GPC5: variants seen among roughly 807,000 people sequenced by gnomAD.
GPC5 encodes glypican-5.
In GPC5, 47 loss-of-function variants were observed where a neutral mutation model predicts 53.9. The observed-to-expected ratio is 0.87, with a 90% CI of 0.69 to 1.11. The LOEUF (loss-of-function observed/expected upper bound fraction) is 1.11, where lower values mean the gene tolerates loss of function less well. Among genes scored for constraint, GPC5 ranks in the 50% most tolerant of loss-of-function variants. The pLI is 0.00. For missense variants in GPC5, 748 were observed against 713.1 expected (o/e 1.05, Z -0.56); for synonymous variants, 286 against 263.3 (o/e 1.09, Z -0.84).
At chr13:91,698,873 A>G (rs1292415537) in intron 3 of GPC5, among the ~76,000 whole-genome samples, 2 of 152,174 alleles carry the variant, frequency 1.3e-5, no homozygotes, top group African/African-American at 4.8e-5. Flanking sequence ...TGACACTTTC[A>G]CAATAATAAG....
At chr13:91,687,294 A>T (rs904118244) in intron 2 of GPC5, among the ~76,000 whole-genome samples, 2 of 151,932 alleles carry the variant, frequency 1.3e-5, no homozygotes, top group African/African-American at 4.8e-5. Context: ...GATATCACTC[A>T]ATTTTATCTC....
chr13:91,620,572 C>A (rs745967194), intron 2 of GPC5, among the ~76,000 whole-genome samples: 1 of 152,112 alleles, frequency 6.6e-6, no homozygotes, highest in South Asian at 2.1e-4. Flanking sequence ...TTCATTTGTT[C>A]ACATTGTCAT....
chr13:92,179,770 G>A (rs761782294), intron 7 of GPC5, among the ~76,000 whole-genome samples: 1 of 152,102 alleles, frequency 6.6e-6, no homozygotes, highest in Admixed American at 6.5e-5. Context: ...TATGATCATA[G>A]AACTTTCTGT....
At chr13:91,721,126 TTTCTTTCTTTC>T in intron 3 of GPC5, among the ~76,000 whole-genome samples, 2 of 106,696 alleles carry the variant, frequency 1.9e-5, no homozygotes, top group East Asian at 2.7e-4. Context: ...TCTTTCTTTC[TTTCTTTCTTTC>T]TTTTTTTGGG....
Position 92,538,227 on chromosome 13 carries a change from G to C in GPC5, c.1562-328055G>C, listed in dbSNP as rs79031929. 3.1e-3 allele frequency among the ~76,000 whole-genome samples: 446 copies of C among 144,398 alleles called. 2 individuals carry two copies. The highest frequency in any genetic ancestry group is 5.9e-3 in the Admixed American group (85 of 14,490). The allele number at this position is 144,398 out of a possible 152,430, so 94.7% of individuals were successfully genotyped here. The stretch of plus-strand genomic sequence containing the variant: ...TATCTATTCCTCGTCCTCCACTTCC[G>C]TTCCCTCTCCTCTTTTCCCCACCTG... On this transcript the variant is annotated intron_variant, in intron 7 of 7. Coordinates refer to ENST00000377067, the MANE Select transcript of GPC5 (RefSeq NM_004466.6).
chr13:92,801,283 C>G (rs149635326), intron 7 of GPC5, among the ~76,000 whole-genome samples: 1 of 151,726 alleles, frequency 6.6e-6, no homozygotes, highest in African/African-American at 2.4e-5. Flanking sequence ...ACTGCATATA[C>G]GACTGGTTCC....
At chr13:91,697,255 G>A (rs1057111066) in intron 3 of GPC5, among the ~76,000 whole-genome samples, 2 of 152,102 alleles carry the variant, frequency 1.3e-5, no homozygotes, top group African/African-American at 4.8e-5. Context: ...CGATTCTCCT[G>A]CCTCAGCCTC....
At chr13:91,958,204 C>T (rs1340537143) in intron 6 of GPC5, among the ~76,000 whole-genome samples, 1 of 143,870 alleles carries the variant, frequency 7.0e-6, no homozygotes, top group Non-Finnish European at 1.5e-5. Flanking sequence ...TCCATGCAAA[C>T]ATAGACCAAA....
At chr13:92,042,188 A>G (rs1056488802) in intron 6 of GPC5, among the ~76,000 whole-genome samples, 1 of 152,152 alleles carries the variant, frequency 6.6e-6, no homozygotes, top group Non-Finnish European at 1.5e-5. Context: ...CCTCCAAGGT[A>G]AAGCCTTTTG....
intron 7 of GPC5, among the ~76,000 whole-genome samples, chr13:92,317,681 T>A (rs2043188712): frequency 6.6e-6 from 1 of 151,932 alleles, no homozygotes; most frequent in Non-Finnish European, 1.5e-5. Context: ...TTTTTATTTT[T>A]ACTAGAGACA....
chr13:91,601,132 A>C lies in GPC5; in HGVS notation c.326-92055A>C, dbSNP rs190124484. On this transcript the variant is annotated intron_variant, in intron 2 of 7. Transcript: ENST00000377067. ...ATTTATTTTAAAGTTCTTTGAATGA[A>C]AAATGAAAGTCCAGTAGATAGTTTG... 4.4e-3 allele frequency among the ~76,000 whole-genome samples: 669 copies of C among 152,326 alleles called. 7 individuals carry two copies. Among genetic ancestry groups the C allele is most frequent in the African/African-American group, 0.015 (635 of 41,580 alleles).
intron 7 of GPC5, among the ~76,000 whole-genome samples, chr13:92,725,647 A>C (rs1378683280): frequency 6.6e-6 from 1 of 151,596 alleles, no homozygotes; most frequent in Non-Finnish European, 1.5e-5. Flanking sequence ...ATGAAAATAC[A>C]AAAAAATGAA....
chr13:91,771,286 A>G (rs1456984388), intron 5 of GPC5, among the ~76,000 whole-genome samples: 1 of 152,220 alleles, frequency 6.6e-6, no homozygotes, highest in African/African-American at 2.4e-5. Flanking sequence ...TATATTTGCA[A>G]AGATCATTAA....
intron 7 of GPC5, among the ~76,000 whole-genome samples, chr13:92,836,917 C>A (rs1454391601): frequency 2.0e-5 from 3 of 151,592 alleles, no homozygotes; most frequent in Non-Finnish European, 4.4e-5. Context: ...ACAGAAAAGG[C>A]CTTAAAAGGA....
intron 6 of GPC5, among the ~76,000 whole-genome samples, chr13:91,969,498 G>C (rs556519863): frequency 6.6e-6 from 1 of 151,404 alleles, no homozygotes; most frequent in Non-Finnish European, 1.5e-5. Flanking sequence ...TAAGAGCACA[G>C]ATGAAAAAAA....
chr13:91,707,888 A>C (rs946730258), intron 3 of GPC5, among the ~76,000 whole-genome samples: 10 of 152,220 alleles, frequency 6.6e-5, no homozygotes, highest in African/African-American at 2.4e-4. Context: ...TAATAGTCAA[A>C]AACTGGAAAC....
chr13:92,136,460 A>G (rs751671418), intron 6 of GPC5, among the ~76,000 whole-genome samples: 1 of 152,076 alleles, frequency 6.6e-6, no homozygotes, highest in Non-Finnish European at 1.5e-5. Flanking sequence ...TCTGGTTTGA[A>G]TTTTTTCTGG....
chr13:91,655,868 C>G (rs2034833115), intron 2 of GPC5, among the ~76,000 whole-genome samples: 1 of 152,142 alleles, frequency 6.6e-6, no homozygotes, highest in Admixed American at 6.6e-5. Context: ...GTTCAACTCC[C>G]AGAGGAATCT....
In GPC5 at chr13:91,851,147, A is replaced by G. The variant is rs186296352; in HGVS notation, c.1281-56790A>G. On this transcript the variant is annotated intron_variant, in intron 5 of 7. Transcript: ENST00000377067. ...GATACCTGGCAAGTAACATGGAGATAAGTATTGTTTCTGACAGAAAAAAGA... is the reference window on the plus strand; with the variant it reads ...GATACCTGGCAAGTAACATGGAGATGAGTATTGTTTCTGACAGAAAAAAGA... Among the ~76,000 whole-genome samples, 677 of 152,280 alleles carry G rather than the reference A, an allele frequency of 4.4e-3. 4 individuals carry two copies. The highest frequency in any genetic ancestry group is 0.016 in the African/African-American group (654 of 41,566).
Sources: gnomAD v4.1 joint callset for allele counts (sites outside exome capture counted in the v4.1 genomes callset) on GRCh38, gnomAD v4.1.1 for gene constraint, MANE v1.5 for transcripts, NCBI Gene and HGNC (gene_info 2026-07-23, HGNC 2026-07-21) for gene names.